The following GRIP1 variants were observed in gnomAD, a reference collection of about 807,000 sequenced individuals.
The protein encoded by GRIP1 is glutamate receptor-interacting protein 1.
Under a neutral mutation model 129.9 loss-of-function variants are expected in GRIP1, and 45 were observed. The observed-to-expected ratio is 0.35, with a 90% CI of 0.27 to 0.44. The LOEUF (loss-of-function observed/expected upper bound fraction) is 0.44, where lower values mean the gene tolerates loss of function less well. Among genes scored for constraint, GRIP1 ranks in the 20% least tolerant of loss-of-function variants. The probability of loss-of-function intolerance (pLI) is 1.00; values close to 1 mark genes in which losing one functional copy is unlikely to be tolerated. For synonymous variants in GRIP1, 530 were observed against 520.8 expected (o/e 1.02, Z -0.24); for missense variants, 1,196 against 1,396.8 (o/e 0.86, Z 2.29).
At chr12:66,794,048 T>C (rs1348980204) in intron 1 of GRIP1, among the ~76,000 whole-genome samples, 2 of 152,168 alleles carry the variant, frequency 1.3e-5, no homozygotes, top group African/African-American at 2.4e-5. Context: ...TCTTATAAAG[T>C]ATAAACACTG....
Position 66,978,405 on chromosome 12 carries a change from T to C in GRIP1, c.58+90645A>G, listed in dbSNP as rs549522707. Among the ~76,000 whole-genome samples, 8 of 152,300 alleles carry C rather than the reference T, an allele frequency of 5.3e-5. No individual in the cohort carries two copies. The South Asian group carries it at 8.3e-4, about 16-fold the overall frequency. On this transcript the variant is annotated intron_variant, in intron 1 of 1. Transcript: ENST00000643019. ...ATCATAAACCAAAATGAAAAGCACA[T>C]ACATCAAATTGAAAGCATGTAACTT...
intron 11 of GRIP1, among the ~76,000 whole-genome samples, chr12:66,453,473 C>T (rs55650393): frequency 0.23 from 35,093 of 152,106 alleles, 4,538 homozygotes; most frequent in Middle Eastern, 0.42. Flanking sequence ...TAAAGATCTA[C>T]GTATTATGCC....
At chr12:66,590,763 G>A (rs541902449) in intron 2 of GRIP1, among the ~76,000 whole-genome samples, 117 of 152,264 alleles carry the variant, frequency 7.7e-4, no homozygotes, top group African/African-American at 2.7e-3. Context: ...CTAGCTTCTG[G>A]CTGACCTATA....
intron 2 of GRIP1, among the ~76,000 whole-genome samples, chr12:66,551,427 G>A (rs1339944863): frequency 6.6e-6 from 1 of 152,178 alleles, no homozygotes; most frequent in Non-Finnish European, 1.5e-5. Context: ...GATGAAAGTA[G>A]AATATTTACT....
chr12:66,983,807 T>C (rs2042272259), intron 1 of GRIP1, among the ~76,000 whole-genome samples: 1 of 152,232 alleles, frequency 6.6e-6, no homozygotes, highest in Non-Finnish European at 1.5e-5. Context: ...AGTATTGCCC[T>C]TGGCTGCTGA....
At chr12:66,415,234 ATCTGATAAAGG>A (rs2057557246) in intron 15 of GRIP1, among the ~76,000 whole-genome samples, 1 of 152,184 alleles carries the variant, frequency 6.6e-6, no homozygotes, top group Admixed American at 6.5e-5. Flanking sequence ...CAATCTATCC[ATCTGATAAAGG>A]TCTGATATCC....
chr12:66,574,008 C>CT (rs936394776), intron 2 of GRIP1, among the ~76,000 whole-genome samples: 2 of 152,122 alleles, frequency 1.3e-5, no homozygotes. Flanking sequence ...AACTATTGAT[C>CT]TTTTTTTCCC....
Position 66,379,370 on chromosome 12 carries a change from CCT to C in GRIP1, c.2529_2530del (p.Gly844GlnfsTer7). Reference sequence around the variant, plus strand: ...AGGCTTAGTGACTGGGGACAAGCTGCCTCTCTGTTTTGGACTCCTCCAGTCAT... The same window carrying C: ...AGGCTTAGTGACTGGGGACAAGCTGCCTCTGTTTTGGACTCCTCCAGTCAT... On this transcript the variant is annotated frameshift_variant, in exon 20 of 25. Transcript: ENST00000359742. LOFTEE classifies it high-confidence loss of function. 1 of 1,614,050 alleles carries C rather than the reference CCT, an allele frequency of 6.2e-7. No homozygotes were observed. Among genetic ancestry groups the C allele is most frequent in the Non-Finnish European group, 8.5e-7 (1 of 1,179,894 alleles).
chr12:66,644,880 C>G (rs1213966701), intron 1 of GRIP1, among the ~76,000 whole-genome samples: 1 of 152,038 alleles, frequency 6.6e-6, no homozygotes, highest in African/African-American at 2.4e-5. Context: ...TAAATGCCAC[C>G]TTAGTTTTGT....
chr12:66,911,340 G>A (rs971996204), intron 1 of GRIP1, among the ~76,000 whole-genome samples: 3 of 152,174 alleles, frequency 2.0e-5, no homozygotes, highest in Non-Finnish European at 4.4e-5. Context: ...ATGTTCTGAA[G>A]GCTTCAACCC....
chr12:66,520,537 C>A (rs1428506081), intron 5 of GRIP1, among the ~76,000 whole-genome samples: 1 of 152,172 alleles, frequency 6.6e-6, no homozygotes, highest in Non-Finnish European at 1.5e-5. Context: ...GATGTCCACA[C>A]AAATCTAGGC....
At chr12:66,407,452 G>C (rs1215279329) in intron 15 of GRIP1, 1 of 152,288 alleles carries the variant, frequency 6.6e-6, no homozygotes, top group Non-Finnish European at 1.5e-5. Flanking sequence ...GGGTAGGAAA[G>C]AAAGTCTTGA....
intron 16 of GRIP1, among the ~76,000 whole-genome samples, chr12:66,406,076 G>T (rs1389363848): frequency 6.6e-6 from 1 of 152,112 alleles, no homozygotes; most frequent in African/African-American, 2.4e-5. Flanking sequence ...TTTCTATAAT[G>T]AAAATATCTT....
intron 1 of GRIP1, among the ~76,000 whole-genome samples, chr12:66,771,883 C>T (rs554653996): frequency 2.0e-4 from 30 of 152,150 alleles, no homozygotes; most frequent in Non-Finnish European, 3.2e-4. Flanking sequence ...GCAAGTGCCA[C>T]GGTCTATAGA....
At chr12:66,536,340 G>C (rs2061603053) in intron 4 of GRIP1, among the ~76,000 whole-genome samples, 1 of 152,148 alleles carries the variant, frequency 6.6e-6, no homozygotes, top group Non-Finnish European at 1.5e-5. Context: ...GTATCATTCA[G>C]AGAAAAACTT....
intron 15 of GRIP1, among the ~76,000 whole-genome samples, chr12:66,411,327 G>A (rs2057394223): frequency 1.3e-5 from 2 of 152,116 alleles, no homozygotes; most frequent in African/African-American, 4.8e-5. Context: ...GTCACAGGAG[G>A]GATCCAGGCT....
intron 1 of GRIP1, among the ~76,000 whole-genome samples, chr12:66,607,157 C>G (rs2064574712): frequency 6.6e-6 from 1 of 152,124 alleles, no homozygotes; most frequent in Non-Finnish European, 1.5e-5. Flanking sequence ...TGAAGATCTT[C>G]TGAAATTGCA....
intron 1 of GRIP1, among the ~76,000 whole-genome samples, chr12:66,862,013 G>A (rs2040120961): frequency 6.6e-6 from 1 of 152,024 alleles, no homozygotes; most frequent in African/African-American, 2.4e-5. Flanking sequence ...CAGGTCTCAT[G>A]CAGTCTTCAA....
At chr12:66,541,686 G>C in intron 3 of GRIP1, 129 bp downstream of exon 3, 1 of 964,586 alleles carries the variant, frequency 1.0e-6, no homozygotes, top group Non-Finnish European at 1.7e-6. Flanking sequence ...CTGTGCTTCT[G>C]CTGGCCTGTG....
Sources: allele counts gnomAD v4.1 joint callset (sites outside exome capture counted in the v4.1 genomes callset), GRCh38; gene constraint gnomAD v4.1.1; transcripts MANE v1.5; gene names NCBI Gene and HGNC (gene_info 2026-07-23, HGNC 2026-07-21).